The following STARD8 variants were observed in gnomAD, a reference collection of about 807,000 sequenced individuals.
STARD8 encodes stAR-related lipid transfer protein 8.
In STARD8, 25 loss-of-function variants were observed where a neutral mutation model predicts 69.4. That is an observed-to-expected ratio of 0.36 (90% CI 0.26 to 0.50). STARD8 has a LOEUF of 0.50. STARD8 is among the 20% of genes least tolerant of loss of function. STARD8 has a pLI of 0.96. For missense variants in STARD8, 921 were observed against 932.5 expected (o/e 0.99, Z 0.16); for synonymous variants, 389 against 374.6 (o/e 1.04, Z -0.45).
At chrX:68,695,557 A>G (rs1468419150) in intron 2 of STARD8, among the ~76,000 whole-genome samples, 1 of 110,947 alleles carries the variant, frequency 9.0e-6, no homozygotes, top group Non-Finnish European at 1.9e-5. Flanking sequence ...CTGCCTACAG[A>G]TGATATCTGG....
At chrX:68,656,266 A>G (rs2079609944) in intron 1 of STARD8, 1 of 112,240 alleles carries the variant, frequency 8.9e-6, no homozygotes, top group Non-Finnish European at 1.9e-5. Flanking sequence ...AATGCTCATC[A>G]TCACTGGCCA....
Position 68,650,434 on chromosome X carries a change from A to AAGG in STARD8, c.45+2527_45+2529dup, listed in dbSNP as rs1211829372. 2.8e-3 allele frequency among the ~76,000 whole-genome samples: 227 copies of AAGG among 82,206 alleles called. 4 individuals carry two copies. The highest frequency in any genetic ancestry group is 9.2e-3 in the African/African-American group (208 of 22,623). The allele number at this position is 82,206 out of a possible 115,157, so 71.4% of individuals were successfully genotyped here. ...GAGCAAGATCCTATAGAAGAAGAAG[A>AAGG]AGGAGGAGGAGGAGGAGGAGGAAGA... On this transcript the variant is annotated intron_variant, in intron 1 of 14. Transcript: ENST00000374599.
At chrX:68,678,670 T>C (rs1039069041) in intron 2 of STARD8, among the ~76,000 whole-genome samples, 8 of 112,198 alleles carry the variant, frequency 7.1e-5, no homozygotes, top group African/African-American at 2.6e-4. Flanking sequence ...CTGTGCAGCC[T>C]GGCCTGGCTG....
At chrX:68,709,172 C>T (rs904959595) in intron 2 of STARD8, among the ~76,000 whole-genome samples, 3 of 112,569 alleles carry the variant, frequency 2.7e-5, no homozygotes, top group Non-Finnish European at 5.6e-5. Flanking sequence ...CCATTACATT[C>T]TCTAGATTCC....
chrX:68,713,110 A>AT, intron 3 of STARD8, 125 bp downstream of exon 3: 5 of 682,788 alleles, frequency 7.3e-6, no homozygotes, highest in Non-Finnish European at 1.1e-5. Context: ...CCCTGCTCCG[A>AT]TTTTTTTCAG....
chrX:68,681,334 T>A lies in STARD8; in HGVS notation c.79+15802T>A, dbSNP rs762885415. On this transcript the variant is annotated intron_variant, in intron 2 of 14. Coordinates refer to ENST00000374599, the MANE Select transcript of STARD8 (RefSeq NM_001142503.3). The stretch of plus-strand genomic sequence containing the variant: ...TGGTCATTTTCCACTTACGAAGTGC[T>A]CTCAAATCCATTATCTTGAGGTTTA... Among the ~76,000 whole-genome samples the A allele has an allele frequency of 2.4e-3, 264 of 111,359 alleles. 1 individual carries two copies. The highest frequency in any genetic ancestry group is 3.6e-3 in the Non-Finnish European group (191 of 53,049).
At chrX:68,653,265 C>CCA (rs2079579201) in intron 1 of STARD8, among the ~76,000 whole-genome samples, 2 of 41,870 alleles carry the variant, frequency 4.8e-5, no homozygotes, top group African/African-American at 1.0e-4. Flanking sequence ...ACCACACACA[C>CCA]CACACACCAC....
intron 2 of STARD8, among the ~76,000 whole-genome samples, chrX:68,708,788 T>C (rs1306961748): frequency 1.8e-5 from 2 of 112,534 alleles, no homozygotes; most frequent in Non-Finnish European, 3.8e-5. Flanking sequence ...CTGGCAGCCA[T>C]GCCTTGGAAT....
At chrX:68,676,630 G>T (rs1162055091) in intron 2 of STARD8, among the ~76,000 whole-genome samples, 1 of 111,456 alleles carries the variant, frequency 9.0e-6, no homozygotes, top group Non-Finnish European at 1.9e-5. Context: ...CCATCATACT[G>T]TATATCTGTC....
At chrX:68,705,730 A>G (rs1029624979) in intron 2 of STARD8, among the ~76,000 whole-genome samples, 2 of 112,188 alleles carry the variant, frequency 1.8e-5, no homozygotes, top group African/African-American at 6.5e-5. Context: ...GGTGTGGTGT[A>G]TGATGTTTAG....
chrX:68,715,237 T>C, intron 3 of STARD8, 57 bp from the exon 4 acceptor site: 1 of 1,061,703 alleles, frequency 9.4e-7, no homozygotes, highest in Non-Finnish European at 1.3e-6. Flanking sequence ...CAAGGGCTGC[T>C]GAGGCTGAGT....
At chrX:68,689,417 C>T (rs995500826) in intron 2 of STARD8, among the ~76,000 whole-genome samples, 1 of 111,906 alleles carries the variant, frequency 8.9e-6, no homozygotes, top group African/African-American at 3.2e-5. Context: ...TGTCATGGCC[C>T]GGGGGGTCTA....
chrX:68,650,944 G>A (rs906250000), intron 1 of STARD8, among the ~76,000 whole-genome samples: 7 of 112,664 alleles, frequency 6.2e-5, no homozygotes, highest in Non-Finnish European at 1.1e-4. Flanking sequence ...GGACATACAC[G>A]TGCATTTGTG....
In STARD8 at chrX:68,724,086, C is replaced by T; in HGVS notation, c.3159C>T (p.Arg1053=). 1 of 1,211,580 alleles carries T rather than the reference C, an allele frequency of 8.3e-7. No individual in the cohort carries two copies. Among genetic ancestry groups the T allele is most frequent in the Non-Finnish European group, 1.1e-6 (1 of 895,439 alleles). Residue 1053 remains arginine (R), a synonymous_variant, in exon 14 of 15, where the codon CGC becomes CGT. Transcript: ENST00000374599. ...TCATGGAGCCTTGCGGCTTGGGCCG[C>T]TCTCGGCTCACACACATCTGCCGGG... ...QYLMEPCGLG[R]SRLTHICRAD... is the part of the protein sequence containing the mutation.
chrX:68,656,884 C>G (rs938295819), intron 1 of STARD8, among the ~76,000 whole-genome samples: 9 of 110,980 alleles, frequency 8.1e-5, no homozygotes, highest in African/African-American at 3.0e-4. Flanking sequence ...GGAGGGATAG[C>G]ATTAGGAGAT....
At position 68,721,132 on chromosome X, in the gene STARD8, C is replaced by T; in HGVS notation, c.2248+10C>T. ...CTCCAGATCTACCAGCGTGAGTCGC[C>T]CACTCCTATCCCCAACAACCTGTCC... is the stretch of plus-strand genomic sequence containing the variant. On this transcript the variant is annotated intron_variant, in intron 9 of 14. Coordinates refer to ENST00000374599, the MANE Select transcript of STARD8 (RefSeq NM_001142503.3). The T allele has an allele frequency of 1.7e-6, 2 of 1,207,256 alleles. No individual in the cohort carries two copies. Among genetic ancestry groups the T allele is most frequent in the Non-Finnish European group, 2.2e-6 (2 of 891,834 alleles).
chrX:68,716,581 G>A, intron 5 of STARD8, 150 bp downstream of exon 5: 1 of 522,098 alleles, frequency 1.9e-6, no homozygotes, highest in East Asian at 3.8e-5. Flanking sequence ...TAGAGATGGA[G>A]GAGATCTAGG....
At chrX:68,722,772 T>C (rs921360347) in intron 12 of STARD8, 126 bp downstream of exon 12, 3 of 632,950 alleles carry the variant, frequency 4.7e-6, no homozygotes, top group Non-Finnish European at 7.2e-6. Context: ...TGCCTCGGCC[T>C]GGTCCTTGGA....
At position 68,717,508 on chromosome X, in the gene STARD8, C is replaced by G. The variant is rs761596962; in HGVS notation, c.594C>G (p.Asp198Glu). 9.9e-6 allele frequency: 12 copies of G among 1,208,967 alleles called. No individual in the cohort carries two copies. The African/African-American group carries it at 1.9e-4, about 19-fold the overall frequency. The change falls in exon 6 of 15, where the codon GAC (aspartate) becomes GAG (glutamate). Residue 198 changes from aspartate to glutamate, a missense_variant. Transcript: ENST00000374599. ...SPTQGQEGPQ[D>E]KAKKRHRNRS... ...CCCAGGGCCAGGAGGGTCCCCAGGA[C>G]AAAGCCAAGAAGCGCCATCGTAACC...
Sources: gnomAD v4.1 joint callset for allele counts (sites outside exome capture counted in the v4.1 genomes callset) on GRCh38, gnomAD v4.1.1 for gene constraint, MANE v1.5 for transcripts, NCBI Gene and HGNC (gene_info 2026-07-23, HGNC 2026-07-21) for gene names.